Variants in USP7 observed in about 807,000 individuals in gnomAD.
USP7 encodes the protein ubiquitin C-terminal hydrolase 7.
USP7 carries 9 observed loss-of-function variants against 162.9 expected under a neutral mutation model. That is an observed-to-expected ratio of 0.06 (90% CI 0.03 to 0.10). The LOEUF is 0.10. Ranked by LOEUF, USP7 falls within the 10% of genes least tolerant of loss-of-function variation. The pLI, the probability that USP7 is intolerant of heterozygous loss-of-function variation, is 1.00. For missense variants in USP7, 715 were observed against 1,373.7 expected (o/e 0.52, Z 7.58); for synonymous variants, 562 against 475.9 (o/e 1.18, Z -2.35).
chr16:8,898,727 G>A (rs892917052), intron 23 of USP7, 88 bp from the exon 24 acceptor site: 87 of 1,080,780 alleles, frequency 8.0e-5, no homozygotes, highest in Non-Finnish European at 3.0e-5. Flanking sequence ...CAAACCGCTG[G>A]CCTTACACCT....
At chr16:8,950,648 G>A (rs1007644880) in intron 1 of USP7, among the ~76,000 whole-genome samples, 14 of 152,274 alleles carry the variant, frequency 9.2e-5, no homozygotes, top group Non-Finnish European at 1.5e-4. Context: ...TGTCTGCCAC[G>A]AACATGGCAC....
chr16:8,899,349 A>G lies in USP7; in HGVS notation c.2464-161T>C, dbSNP rs147140392. The stretch of plus-strand genomic sequence containing the variant: ...CTATATTATTCCTTAATGAATCACC[A>G]TGGGAGTAGCATATCTGATGAAGAT... On this transcript the variant is annotated intron_variant, in intron 22 of 30. Transcript: ENST00000344836. 2.9e-5 allele frequency: 22 copies of G among 761,334 alleles called. No individual in the cohort carries two copies. In the African/African-American group the frequency reaches 3.5e-4, roughly 12 times the overall value. The allele number at this position is 761,334 out of a possible 1,614,324, so 47.2% of individuals were successfully genotyped here. A position where few individuals can be genotyped will look rare whatever the true frequency, so the allele number is the denominator to read the frequency against.
At chr16:8,936,627 T>C in intron 1 of USP7, 1 of 1,558,360 alleles carries the variant, frequency 6.4e-7, no homozygotes, top group Non-Finnish European at 8.6e-7. Flanking sequence ...TGCATGGCTC[T>C]GCAGTGGCCT....
chr16:8,923,427 ACAT>A lies in USP7; in HGVS notation c.185-17_185-15del, dbSNP rs1897811855. 2.5e-6 allele frequency: 4 copies of A among 1,613,264 alleles called. No individual in the cohort carries two copies. The highest frequency in any genetic ancestry group is 1.3e-5 in the African/African-American group (1 of 74,918). ...GCCAACTGGTGTCTGCAAAAAAAAC[ACAT>A]CATCAGTCACAGAGCCTGTGCATTG... On this transcript the variant is annotated splice_polypyrimidine_tract_variant and intron_variant, in intron 2 of 30. Transcript: ENST00000344836.
At chr16:8,916,949 T>C (rs540668061) in intron 7 of USP7, 77 bp downstream of exon 7, 1 of 1,451,672 alleles carries the variant, frequency 6.9e-7, no homozygotes, top group African/African-American at 1.5e-5. Flanking sequence ...CTAACTTTTC[T>C]ATTCTCTACT....
At chr16:8,918,396 A>C (rs1897497380) in intron 6 of USP7, among the ~76,000 whole-genome samples, 1 of 152,252 alleles carries the variant, frequency 6.6e-6, no homozygotes, top group African/African-American at 2.4e-5. Flanking sequence ...AATAAAAGTA[A>C]GTTGCATTGA....
At chr16:8,955,694 G>C (rs910591628) in intron 1 of USP7, among the ~76,000 whole-genome samples, 1 of 98,178 alleles carries the variant, frequency 1.0e-5, no homozygotes, top group Admixed American at 1.7e-4. Context: ...AACAGAGCAC[G>C]ATTCCATCTC....
At chr16:8,940,252 C>T (rs1304585510) in intron 1 of USP7, among the ~76,000 whole-genome samples, 1 of 152,190 alleles carries the variant, frequency 6.6e-6, no homozygotes, top group Non-Finnish European at 1.5e-5. Context: ...ACAGCCAGGT[C>T]ATATACACAT....
At chr16:8,909,357 C>T (rs533545099) in intron 11 of USP7, among the ~76,000 whole-genome samples, 11 of 152,258 alleles carry the variant, frequency 7.2e-5, no homozygotes, top group Admixed American at 3.3e-4. Flanking sequence ...CAAGGCACAC[C>T]CATATGCCAA....
chr16:8,945,341 G>A (rs563651469), intron 1 of USP7, among the ~76,000 whole-genome samples: 1 of 152,316 alleles, frequency 6.6e-6, no homozygotes, highest in South Asian at 2.1e-4. Flanking sequence ...CCAAGACCAT[G>A]CCACTGTACT....
rs749661550 is a variant in USP7 at position 8,899,156 on chromosome 16, T to C, written c.2496A>G (p.Thr832=). 1 of 1,614,102 alleles carries C rather than the reference T, an allele frequency of 6.2e-7. No individual in the cohort carries two copies. The highest frequency in any genetic ancestry group is 1.7e-5 in the Admixed American group (1 of 60,014). Residue 832 remains threonine, a synonymous_variant, in exon 23 of 31, where the codon ACA becomes ACG. Transcript: ENST00000344836. The stretch of plus-strand genomic sequence containing the variant: ...TGAAAAACTGCAGCAACATTGGATC[T>C]GTGTTGAGCCTCTGTGCAACTGTCT... ...VAKTVAQRLN[T]DPMLLQFFKS...
intron 27 of USP7, 62 bp from the exon 28 acceptor site, chr16:8,895,212 A>C: frequency 6.2e-7 from 1 of 1,611,176 alleles, no homozygotes; most frequent in South Asian, 1.1e-5. Context: ...AAGTGTCCAC[A>C]TCTCAATTCT....
At chr16:8,920,770 A>T (rs531203594) in intron 4 of USP7, among the ~76,000 whole-genome samples, 1 of 152,336 alleles carries the variant, frequency 6.6e-6, no homozygotes, top group African/African-American at 2.4e-5. Context: ...GCATAGTAAG[A>T]AGTAACATTC....
chr16:8,894,653 AAATT>A lies in USP7; in HGVS notation c.3112-17_3112-14del, dbSNP rs1388417600. The A allele has an allele frequency of 6.2e-7, 1 of 1,612,504 alleles. No homozygotes were observed. The highest frequency in any genetic ancestry group is 1.7e-5 in the Admixed American group (1 of 59,796). On this transcript the variant is annotated splice_polypyrimidine_tract_variant and intron_variant, in intron 29 of 30. Transcript: ENST00000344836. ...TTGCAAATTTAAACTAAAAGAAAAA[AAATT>A]AAAACTCCTCCGTTATTTCTGTATA...
At chr16:8,912,141 TAA>T (rs1322246767) in intron 10 of USP7, among the ~76,000 whole-genome samples, 1 of 152,086 alleles carries the variant, frequency 6.6e-6, no homozygotes, top group Non-Finnish European at 1.5e-5. Context: ...TGCTGTTCAA[TAA>T]AAAAGTTACC....
Position 8,902,389 on chromosome 16 carries a change from T to G in USP7, c.1933A>C (p.Asn645His). ...PAMLDNEADG[N>H]KTMIELSDNE... ...CTATTAACAATATTTACTGTTTTAT[T>G]GCCGTCGGCTTCATTATCTAACATT... Residue 645 changes from asparagine to histidine, a missense_variant, in exon 17 of 31, where the codon AAT (asparagine) becomes CAT (histidine). Asn to His is a moderately conservative substitution (Grantham distance 68, BLOSUM62 1). Coordinates refer to ENST00000344836, the MANE Select transcript of USP7 (RefSeq NM_003470.3). 1 of 1,614,086 alleles carries G rather than the reference T, an allele frequency of 6.2e-7. No homozygotes were observed. Among genetic ancestry groups the G allele is most frequent in the Non-Finnish European group, 8.5e-7 (1 of 1,179,984 alleles).
rs112696348 is a variant in USP7 at position 8,947,490 on chromosome 16, G to A, written c.79+15717C>T. On this transcript the variant is annotated intron_variant, in intron 1 of 30. Coordinates refer to ENST00000344836, the MANE Select transcript of USP7 (RefSeq NM_003470.3). Reference sequence around the variant, plus strand: ...CAGCCTCCTGATTAGCTGGACTACAGACATGCACCACCACACCCAGCTAAT... The same window carrying A: ...CAGCCTCCTGATTAGCTGGACTACAAACATGCACCACCACACCCAGCTAAT... Among the ~76,000 whole-genome samples the A allele has an allele frequency of 1.9e-3, 284 of 152,086 alleles. 1 individual carries two copies. Among genetic ancestry groups the A allele is most frequent in the African/African-American group, 6.1e-3 (252 of 41,472 alleles).
rs1235034163 is a variant in USP7 at position 8,892,626 on chromosome 16, AAAAG to A, written c.*1368_*1371del. On this transcript the variant is annotated 3_prime_UTR_variant, in exon 31 of 31. Transcript: ENST00000344836. ...GAGGCTAAAAAAAAAAAAAAAAAAA[AAAAG>A]AAACAAGAGACCCTGCCCCCGCAAA... The A allele has an allele frequency of 2.1e-4, 31 of 145,092 alleles. No homozygotes were observed. The highest frequency in any genetic ancestry group is 7.7e-4 in the African/African-American group (30 of 39,198). 9.0% of individuals were successfully genotyped at this position (145,092 alleles called of 1,614,324 possible).
chr16:8,929,256 A>G (rs1392876487), intron 2 of USP7: 2 of 335,980 alleles, frequency 6.0e-6, no homozygotes, highest in Non-Finnish European at 1.2e-5. Flanking sequence ...CTAAAGTAAA[A>G]CCTCCAAAAG....
Sources: allele counts gnomAD v4.1 joint callset (sites outside exome capture counted in the v4.1 genomes callset), GRCh38; gene constraint gnomAD v4.1.1; transcripts MANE v1.5; gene names NCBI Gene and HGNC (gene_info 2026-07-23, HGNC 2026-07-21).